KCNH5: variants seen among roughly 807,000 people sequenced by gnomAD.
KCNH5 encodes the protein potassium voltage-gated channel subfamily H member 5, also known as voltage-gated delayed rectifier potassium channel KCNH5.
In KCNH5, 46 loss-of-function variants were observed where a neutral mutation model predicts 96.1. That is an observed-to-expected ratio of 0.48 (90% CI 0.38 to 0.61). The LOEUF is 0.61. Among genes scored for constraint, KCNH5 ranks in the 20% least tolerant of loss-of-function variants. The probability of loss-of-function intolerance (pLI) is 0.00; values close to 1 mark genes in which losing one functional copy is unlikely to be tolerated. For synonymous variants in KCNH5, 439 were observed against 449.8 expected, an observed-to-expected ratio of 0.98 and a Z score of 0.30; for missense variants, 907 against 1,225.8, an observed-to-expected ratio of 0.74 and a Z score of 3.88.
chr14:62,768,227 A>G (rs984820265), intron 10 of KCNH5, among the ~76,000 whole-genome samples: 5 of 152,220 alleles, frequency 3.3e-5, no homozygotes, highest in Admixed American at 6.5e-5. Flanking sequence ...AAAAAAATTA[A>G]AAACAAAGAA....
intron 7 of KCNH5, among the ~76,000 whole-genome samples, chr14:62,884,316 C>A (rs1043309693): frequency 6.6e-6 from 1 of 152,100 alleles, no homozygotes; most frequent in African/African-American, 2.4e-5. Flanking sequence ...ATTACTACAA[C>A]AATTAATTTT....
chr14:62,747,629 CTAA>C (rs1885406837), intron 10 of KCNH5, among the ~76,000 whole-genome samples: 1 of 152,300 alleles, frequency 6.6e-6, no homozygotes, highest in South Asian at 2.1e-4. Context: ...TCAACTAATG[CTAA>C]TCTCAGCACA....
At chr14:62,904,438 C>G (rs1566702221) in intron 7 of KCNH5, among the ~76,000 whole-genome samples, 1 of 151,992 alleles carries the variant, frequency 6.6e-6, no homozygotes, top group Non-Finnish European at 1.5e-5. Flanking sequence ...CCTATTCAAC[C>G]AAAAAGTTCC....
chr14:62,809,920 G>A (rs1886839860), intron 8 of KCNH5, among the ~76,000 whole-genome samples: 1 of 151,988 alleles, frequency 6.6e-6, no homozygotes, highest in South Asian at 2.1e-4. Context: ...CAAGAGGGAT[G>A]GGTAATATAA....
intron 8 of KCNH5, among the ~76,000 whole-genome samples, chr14:62,830,253 GTCT>G (rs879023546): frequency 6.6e-6 from 1 of 152,136 alleles, no homozygotes; most frequent in African/African-American, 2.4e-5. Flanking sequence ...ATATCTTCCT[GTCT>G]TCTTCTGAGC....
At chr14:62,712,332 T>C (rs749702842) in intron 10 of KCNH5, 12 of 286,106 alleles carry the variant, frequency 4.2e-5, no homozygotes, top group Non-Finnish European at 4.6e-5. Flanking sequence ...AAAATATCTG[T>C]ATATAGCAAA....
chr14:62,926,487 T>C (rs1889479201), intron 7 of KCNH5, among the ~76,000 whole-genome samples: 1 of 152,010 alleles, frequency 6.6e-6, no homozygotes, highest in African/African-American at 2.4e-5. Flanking sequence ...AAGAAGAGCC[T>C]TGGTGTCTTA....
At position 62,927,881 on chromosome 14, in the gene KCNH5, T is replaced by C. The variant is rs78651040; in HGVS notation, c.1369+22252A>G. ...AAAATTGTTAAGATAGTAAAATTTA[T>C]GTTACATATATTTTACTGCAATTTA... On this transcript the variant is annotated intron_variant, in intron 7 of 10. Coordinates refer to ENST00000322893, the MANE Select transcript of KCNH5 (RefSeq NM_139318.5). Among the ~76,000 whole-genome samples the C allele has an allele frequency of 6.2e-4, 95 of 152,198 alleles. 2 individuals carry two copies. Among genetic ancestry groups the C allele is most frequent in the African/African-American group, 2.1e-3 (86 of 41,538 alleles).
At chr14:62,954,347 A>G (rs2140133498) in intron 6 of KCNH5, among the ~76,000 whole-genome samples, 1 of 152,266 alleles carries the variant, frequency 6.6e-6, no homozygotes, top group South Asian at 2.1e-4. Flanking sequence ...CTCTATTATA[A>G]CAATTTTCAC....
intron 7 of KCNH5, among the ~76,000 whole-genome samples, chr14:62,867,043 C>T (rs1888148113): frequency 6.6e-6 from 1 of 152,088 alleles, no homozygotes; most frequent in Non-Finnish European, 1.5e-5. Flanking sequence ...AGGAGTGATG[C>T]CCCAAATGGG....
intron 10 of KCNH5, among the ~76,000 whole-genome samples, chr14:62,743,265 T>A (rs10148897): frequency 0.32 from 49,174 of 152,004 alleles, 8,455 homozygotes; most frequent in South Asian, 0.54. Context: ...TTTAAATTAG[T>A]TTGGGACAGG....
chr14:62,996,691 G>A (rs942073209), intron 4 of KCNH5, among the ~76,000 whole-genome samples: 1 of 152,152 alleles, frequency 6.6e-6, no homozygotes, highest in African/African-American at 2.4e-5. Flanking sequence ...CAACTTCACT[G>A]CAAAATGTTG....
At chr14:63,024,082 G>A (rs983817152) in intron 1 of KCNH5, among the ~76,000 whole-genome samples, 3 of 151,954 alleles carry the variant, frequency 2.0e-5, no homozygotes, top group Non-Finnish European at 2.9e-5. Context: ...GGTGGCACAC[G>A]CCTGTAGTTG....
chr14:62,768,506 C>A (rs1885914181), intron 10 of KCNH5, among the ~76,000 whole-genome samples: 1 of 152,100 alleles, frequency 6.6e-6, no homozygotes, highest in African/African-American at 2.4e-5. Flanking sequence ...TAGCGTCCAG[C>A]TAAGATGCCT....
At chr14:62,992,180 T>G (rs1594663511) in intron 4 of KCNH5, among the ~76,000 whole-genome samples, 1 of 152,066 alleles carries the variant, frequency 6.6e-6, no homozygotes, top group South Asian at 2.1e-4. Flanking sequence ...TATGGCTGAG[T>G]AGCATCCCAT....
chr14:62,749,077 C>A (rs762306440), intron 10 of KCNH5, among the ~76,000 whole-genome samples: 2 of 152,120 alleles, frequency 1.3e-5, no homozygotes, highest in Non-Finnish European at 2.9e-5. Context: ...TTGATCAAAG[C>A]ACAAGTTCTC....
At chr14:62,995,493 G>A (rs551010356) in intron 4 of KCNH5, among the ~76,000 whole-genome samples, 2 of 151,978 alleles carry the variant, frequency 1.3e-5, no homozygotes, top group Non-Finnish European at 2.9e-5. Flanking sequence ...TTTCAACATT[G>A]GATAAACACA....
At chr14:62,864,696 ATTCT>A (rs1315575909) in intron 7 of KCNH5, among the ~76,000 whole-genome samples, 1 of 152,196 alleles carries the variant, frequency 6.6e-6, no homozygotes, top group Admixed American at 6.5e-5. Context: ...TTGCATATTA[ATTCT>A]TCCTCTTGGA....
chr14:62,956,334 T>C (rs1414669269), intron 6 of KCNH5, among the ~76,000 whole-genome samples: 2 of 152,104 alleles, frequency 1.3e-5, no homozygotes, highest in Admixed American at 6.5e-5. Flanking sequence ...ATGAGCATAG[T>C]GTCTCCCTTT....
Sources: gnomAD v4.1 joint callset for allele counts (sites outside exome capture counted in the v4.1 genomes callset) on GRCh38, gnomAD v4.1.1 for gene constraint, MANE v1.5 for transcripts, NCBI Gene and HGNC (gene_info 2026-07-23, HGNC 2026-07-21) for gene names.